CNTNAP2: variants seen among roughly 807,000 people sequenced by gnomAD.
CNTNAP2 encodes contactin associated protein 2.
A neutral mutation model predicts 155.2 loss-of-function variants in CNTNAP2; 98 were observed. The ratio of observed to expected loss-of-function variants is 0.63; its 90% CI spans 0.54 to 0.75. The LOEUF is 0.75. CNTNAP2 is among the 30% of genes least tolerant of loss of function. The probability of loss-of-function intolerance (pLI) is 0.00; values close to 1 mark genes in which losing one functional copy is unlikely to be tolerated. For synonymous variants in CNTNAP2, 651 were observed against 631.2 expected, an observed-to-expected ratio of 1.03 and a Z score of -0.47; for missense variants, 1,727 against 1,688.1, an observed-to-expected ratio of 1.02 and a Z score of -0.40.
chr7:148,005,385 G>A (rs757822847), intron 15 of CNTNAP2, among the ~76,000 whole-genome samples: 13 of 152,160 alleles, frequency 8.5e-5, no homozygotes, highest in Non-Finnish European at 1.9e-4. Context: ...AGGAATTTGT[G>A]GGGGACACAG....
At chr7:147,967,209 T>C (rs1203720431) in intron 14 of CNTNAP2, among the ~76,000 whole-genome samples, 1 of 152,182 alleles carries the variant, frequency 6.6e-6, no homozygotes, top group East Asian at 1.9e-4. Flanking sequence ...CAAAGTAAAA[T>C]GTATGTAGTC....
chr7:146,657,018 C>T (rs1157479234), intron 1 of CNTNAP2, among the ~76,000 whole-genome samples: 1 of 152,150 alleles, frequency 6.6e-6, no homozygotes. Context: ...TTGCTGCAAA[C>T]AGATTAAGCT....
Position 146,698,788 on chromosome 7 carries a change from A to G in CNTNAP2, c.98-75483A>G, listed in dbSNP as rs373072439. Among the ~76,000 whole-genome samples, 5 of 152,200 alleles carry G rather than the reference A, an allele frequency of 3.3e-5. No individual in the cohort carries two copies. The East Asian group carries it at 9.7e-4, about 29-fold the overall frequency. The stretch of plus-strand genomic sequence containing the variant: ...ATTACACATTTCGTAACACTCATAC[A>G]TGTGTAGAATGTGCTCTTCCATATT... On this transcript the variant is annotated intron_variant, in intron 1 of 23. Coordinates refer to ENST00000361727, the MANE Select transcript of CNTNAP2 (RefSeq NM_014141.6).
At chr7:148,209,506 A>G (rs1795507510) in intron 18 of CNTNAP2, among the ~76,000 whole-genome samples, 1 of 151,804 alleles carries the variant, frequency 6.6e-6, no homozygotes. Flanking sequence ...CCATAATCAG[A>G]AATTGTCACC....
intron 3 of CNTNAP2, among the ~76,000 whole-genome samples, chr7:146,961,233 T>C (rs1009566642): frequency 3.9e-5 from 6 of 152,148 alleles, no homozygotes; most frequent in African/African-American, 1.2e-4. Flanking sequence ...TATCAGCTAG[T>C]AGTGACCCCT....
At chr7:146,559,161 G>A (rs1798243568) in intron 1 of CNTNAP2, among the ~76,000 whole-genome samples, 1 of 152,048 alleles carries the variant, frequency 6.6e-6, no homozygotes, top group South Asian at 2.1e-4. Flanking sequence ...TAAGAGAGTA[G>A]GTTTCAAATA....
chr7:147,917,339 A>T (rs752155840), intron 14 of CNTNAP2, among the ~76,000 whole-genome samples: 2 of 152,216 alleles, frequency 1.3e-5, no homozygotes, highest in Non-Finnish European at 2.9e-5. Context: ...TGCATATAAC[A>T]GAAAAATAAC....
chr7:146,291,315 C>A (rs1800425177), intron 1 of CNTNAP2, among the ~76,000 whole-genome samples: 1 of 151,974 alleles, frequency 6.6e-6, no homozygotes, highest in Non-Finnish European at 1.5e-5. Flanking sequence ...TTTTGCGTAG[C>A]CCTTGAGCTA....
intron 15 of CNTNAP2, among the ~76,000 whole-genome samples, chr7:148,040,688 T>A (rs554661815): frequency 6.6e-6 from 1 of 152,344 alleles, no homozygotes; most frequent in South Asian, 2.1e-4. Context: ...ATTCATTCAA[T>A]CAATAAGTTG....
At chr7:148,071,306 G>A (rs150110942) in intron 15 of CNTNAP2, among the ~76,000 whole-genome samples, 2,846 of 152,060 alleles carry the variant, frequency 0.019, 36 homozygotes, top group Middle Eastern at 0.048. Flanking sequence ...GTGAGACCCC[G>A]TCTCTACTAA....
intron 15 of CNTNAP2, among the ~76,000 whole-genome samples, chr7:148,107,607 G>T (rs1042624257): frequency 6.6e-6 from 1 of 151,956 alleles, no homozygotes; most frequent in African/African-American, 2.4e-5. Context: ...GTACAAAAAA[G>T]GTTTAATTAA....
chr7:147,658,458 G>A (rs1222297534), intron 13 of CNTNAP2, among the ~76,000 whole-genome samples: 2 of 152,184 alleles, frequency 1.3e-5, no homozygotes, highest in Non-Finnish European at 2.9e-5. Context: ...AAAGGGAGAG[G>A]AGGGTCTGGC....
In CNTNAP2 at chr7:147,169,968, A is replaced by C. The variant is rs113418535; in HGVS notation, c.1348+37459A>C. Among the ~76,000 whole-genome samples the C allele has an allele frequency of 3.7e-4, 57 of 152,170 alleles. 1 individual carries two copies. The highest frequency in any genetic ancestry group is 1.3e-3 in the African/African-American group (52 of 41,510). On this transcript the variant is annotated intron_variant, in intron 8 of 23. Coordinates refer to ENST00000361727, the MANE Select transcript of CNTNAP2 (RefSeq NM_014141.6). ...ATTAATAGTTATTTAAGATTGCTTA[A>C]GAACCATTGCTGAGGAGGTAGTGGG...
At chr7:147,723,483 T>A (rs1796595791) in intron 13 of CNTNAP2, among the ~76,000 whole-genome samples, 3 of 152,050 alleles carry the variant, frequency 2.0e-5, no homozygotes, top group Admixed American at 2.0e-4. Flanking sequence ...ACTATTAAGT[T>A]CATCTTCATC....
intron 13 of CNTNAP2, among the ~76,000 whole-genome samples, chr7:147,696,205 T>A (rs1425220345): frequency 1.3e-5 from 2 of 152,190 alleles, no homozygotes; most frequent in Non-Finnish European, 2.9e-5. Flanking sequence ...TCAATTAATA[T>A]CTATAATACT....
intron 13 of CNTNAP2, among the ~76,000 whole-genome samples, chr7:147,809,869 G>A (rs1026405022): frequency 2.6e-5 from 4 of 152,166 alleles, no homozygotes; most frequent in Admixed American, 2.0e-4. Flanking sequence ...TCCCGTGTGA[G>A]GTGCTGAGGA....
chr7:146,316,691 G>A (rs924860765), intron 1 of CNTNAP2, among the ~76,000 whole-genome samples: 2 of 152,118 alleles, frequency 1.3e-5, no homozygotes, highest in African/African-American at 4.8e-5. Flanking sequence ...CAAAGGATAA[G>A]CAGGATGTTT....
intron 11 of CNTNAP2, among the ~76,000 whole-genome samples, chr7:147,556,850 C>G (rs569047779): frequency 6.6e-6 from 1 of 152,278 alleles, no homozygotes; most frequent in African/African-American, 2.4e-5. Context: ...AAGTGTCTGT[C>G]ATTTGTTAGA....
intron 14 of CNTNAP2, among the ~76,000 whole-genome samples, chr7:147,915,412 C>T (rs548833784): frequency 3.3e-5 from 5 of 152,200 alleles, no homozygotes; most frequent in Non-Finnish European, 7.3e-5. Flanking sequence ...AATCACTTGA[C>T]ATCCCAATAC....
Sources: gnomAD v4.1 joint callset for allele counts (sites outside exome capture counted in the v4.1 genomes callset) on GRCh38, gnomAD v4.1.1 for gene constraint, MANE v1.5 for transcripts, NCBI Gene and HGNC (gene_info 2026-07-23, HGNC 2026-07-21) for gene names.